PCCA: variants seen among roughly 807,000 people sequenced by gnomAD.
PCCA encodes the protein propionyl-CoA carboxylase alpha chain, mitochondrial.
In PCCA, 74 loss-of-function variants were observed where a neutral mutation model predicts 101.3. The observed-to-expected ratio is 0.73, with a 90% confidence interval of 0.61 to 0.89. The LOEUF (loss-of-function observed/expected upper bound fraction) is 0.89, where lower values mean the gene tolerates loss of function less well. Ranked by LOEUF, PCCA falls within the 40% of genes least tolerant of loss-of-function variation. The pLI is 0.00. For missense variants in PCCA, 891 were observed against 907.0 expected, an observed-to-expected ratio of 0.98 and a Z score of 0.23; for synonymous variants, 294 against 313.6, an observed-to-expected ratio of 0.94 and a Z score of 0.66.
At chr13:100,406,441 A>C (rs2077685706) in intron 19 of PCCA, among the ~76,000 whole-genome samples, 1 of 152,182 alleles carries the variant, frequency 6.6e-6, no homozygotes, top group Non-Finnish European at 1.5e-5. Flanking sequence ...GCGGCCGCTC[A>C]CGCCTGTAAT....
rs1208274002 is a variant in PCCA, at chr13:100,196,631, G to A, written c.469-12701G>A. Among the ~76,000 whole-genome samples, 4 of 152,100 alleles carry A rather than the reference G, an allele frequency of 2.6e-5. No individual in the cohort carries two copies. In the East Asian group the frequency reaches 7.7e-4, roughly 29 times the overall value. On this transcript the variant is annotated intron_variant, in intron 6 of 23. Coordinates refer to ENST00000376285, the MANE Select transcript of PCCA (RefSeq NM_000282.4). ...AGTAATACTGAAACAGAAAGACACA[G>A]GTTCCTTTGGTTAAACTAAGTCATA...
intron 19 of PCCA, among the ~76,000 whole-genome samples, chr13:100,410,825 G>T (rs1161490530): frequency 6.6e-6 from 1 of 151,330 alleles, no homozygotes; most frequent in African/African-American, 2.4e-5. Context: ...TCGGTTGACT[G>T]TTTTTTTTGT....
chr13:100,194,520 C>A (rs1287304888), intron 6 of PCCA, among the ~76,000 whole-genome samples: 3 of 152,112 alleles, frequency 2.0e-5, no homozygotes, highest in Non-Finnish European at 2.9e-5. Flanking sequence ...CGGGTTCAAG[C>A]AATTCTCCTG....
At chr13:100,442,662 GGAA>G (rs1405201914) in intron 20 of PCCA, among the ~76,000 whole-genome samples, 1 of 152,146 alleles carries the variant, frequency 6.6e-6, no homozygotes, top group Non-Finnish European at 1.5e-5. Context: ...TCCAGCAGGG[GGAA>G]GTAGATACTA....
intron 20 of PCCA, among the ~76,000 whole-genome samples, chr13:100,444,620 T>C (rs1223356509): frequency 6.6e-6 from 1 of 151,838 alleles, no homozygotes; most frequent in Admixed American, 6.6e-5. Flanking sequence ...TTTTTGTATT[T>C]TTAGTAGAGA....
chr13:100,189,394 G>GTA (rs2057576655), intron 6 of PCCA, among the ~76,000 whole-genome samples: 1 of 152,158 alleles, frequency 6.6e-6, no homozygotes, highest in South Asian at 2.1e-4. Flanking sequence ...AATCCTTTGA[G>GTA]TATATGCCCA....
At position 100,257,650 on chromosome 13, in the gene PCCA, T is replaced by C. The variant is rs772837935; in HGVS notation, c.693T>C (p.Ile231=). The stretch of plus-strand genomic sequence containing the variant: ...GTGGTGGTGGGAAAGGCATGCGCAT[T>C]GCTTGGGATGATGAAGAGACCAGGT... ...SAGGGGKGMR[I]AWDDEETRDG... is the part of the protein sequence containing the mutation. Residue 231 remains isoleucine, a synonymous_variant, in exon 9 of 24, where the codon ATT becomes ATC. Transcript: ENST00000376285. 1 of 1,613,478 alleles carries C rather than the reference T, an allele frequency of 6.2e-7. No individual in the cohort carries two copies. Among genetic ancestry groups the C allele is most frequent in the Non-Finnish European group, 8.5e-7 (1 of 1,179,534 alleles).
intron 21 of PCCA, among the ~76,000 whole-genome samples, chr13:100,484,220 C>T (rs961542056): frequency 2.0e-5 from 3 of 151,830 alleles, no homozygotes; most frequent in Non-Finnish European, 4.4e-5. Flanking sequence ...CTCAGGTGGT[C>T]GTTTGTGTTT....
At chr13:100,416,555 T>G (rs1171906970) in intron 19 of PCCA, among the ~76,000 whole-genome samples, 1 of 150,068 alleles carries the variant, frequency 6.7e-6, no homozygotes, top group Admixed American at 6.6e-5. Flanking sequence ...TTTTTTTTTA[T>G]GGAGTCTTGC....
At chr13:100,345,693 A>G (rs1381386606) in intron 18 of PCCA, among the ~76,000 whole-genome samples, 1 of 152,214 alleles carries the variant, frequency 6.6e-6, no homozygotes, top group African/African-American at 2.4e-5. Flanking sequence ...CTTCTATTGA[A>G]AGAAGATGCC....
chr13:100,330,337 C>T (rs554469070), intron 16 of PCCA, among the ~76,000 whole-genome samples: 3 of 152,236 alleles, frequency 2.0e-5, no homozygotes, highest in East Asian at 1.9e-4. Context: ...TAATACAGCC[C>T]GTTGACTTGA....
chr13:100,228,365 A>T, intron 7 of PCCA, among the ~76,000 whole-genome samples: 1 of 152,162 alleles, frequency 6.6e-6, no homozygotes, highest in Non-Finnish European at 1.5e-5. Flanking sequence ...AATGTGTCAG[A>T]AATTTTCTTT....
intron 12 of PCCA, among the ~76,000 whole-genome samples, chr13:100,273,783 C>A (rs1017249023): frequency 6.6e-6 from 1 of 152,144 alleles, no homozygotes; most frequent in Non-Finnish European, 1.5e-5. Context: ...CCAGAGGAAC[C>A]GGCACCTCTG....
Position 100,184,298 on chromosome 13 carries a change from C to T in PCCA, c.469-25034C>T, listed in dbSNP as rs557667878. Among the ~76,000 whole-genome samples, 136 of 152,232 alleles carry T rather than the reference C, an allele frequency of 8.9e-4. 1 individual carries two copies. Among genetic ancestry groups the T allele is most frequent in the Admixed American group, 3.2e-3 (49 of 15,288 alleles). Reference sequence around the variant, plus strand: ...CCTGTCTCTTGATTGTTGCTGTTTCCTCAGTACCTAGGACAGTGTCTGGCT... The same window carrying T: ...CCTGTCTCTTGATTGTTGCTGTTTCTTCAGTACCTAGGACAGTGTCTGGCT... On this transcript the variant is annotated intron_variant, in intron 6 of 23. Coordinates refer to ENST00000376285, the MANE Select transcript of PCCA (RefSeq NM_000282.4).
chr13:100,176,007 C>A (rs1022138519), intron 6 of PCCA, among the ~76,000 whole-genome samples: 2 of 152,178 alleles, frequency 1.3e-5, no homozygotes, highest in Non-Finnish European at 2.9e-5. Flanking sequence ...CAAGTCTGAT[C>A]GTTATGCAAT....
chr13:100,232,482 G>A (rs943172315), intron 7 of PCCA, among the ~76,000 whole-genome samples: 1 of 151,846 alleles, frequency 6.6e-6, no homozygotes, highest in Admixed American at 6.6e-5. Context: ...CTGGGCTCAT[G>A]CAATCCTCCT....
chr13:100,177,717 AATC>A (rs1246440206), intron 6 of PCCA, among the ~76,000 whole-genome samples: 1 of 152,198 alleles, frequency 6.6e-6, no homozygotes, highest in African/African-American at 2.4e-5. Context: ...GGACGAAAAA[AATC>A]ATCACCTTCA....
chr13:100,201,486 C>T (rs1323049364), intron 6 of PCCA, among the ~76,000 whole-genome samples: 1 of 152,032 alleles, frequency 6.6e-6, no homozygotes, highest in Non-Finnish European at 1.5e-5. Flanking sequence ...TGTAATGATA[C>T]AGTATTTAAA....
intron 4 of PCCA, among the ~76,000 whole-genome samples, chr13:100,116,225 A>G (rs2048783825): frequency 6.6e-6 from 1 of 152,204 alleles, no homozygotes; most frequent in South Asian, 2.1e-4. Flanking sequence ...TGAGCATTTT[A>G]AATGTAACTT....
Sources: allele counts gnomAD v4.1 joint callset (sites outside exome capture counted in the v4.1 genomes callset), GRCh38; gene constraint gnomAD v4.1.1; transcripts MANE v1.5; gene names NCBI Gene and HGNC (gene_info 2026-07-23, HGNC 2026-07-21).